Variants in CTXND2 observed in about 807,000 individuals in gnomAD.
CTXND2 encodes cortexin domain containing 2.
chr1:150,895,345 T>A (rs985819934), intron 1 of CTXND2, among the ~76,000 whole-genome samples: 2 of 152,012 alleles, frequency 1.3e-5, no homozygotes, highest in Non-Finnish European at 2.9e-5. Context: ...TCTTTTTTTT[T>A]CTTTTTTTAA....
chr1:150,891,359 A>G (rs1571596785), intron 1 of CTXND2, among the ~76,000 whole-genome samples: 1 of 151,916 alleles, frequency 6.6e-6, no homozygotes, highest in Non-Finnish European at 1.5e-5. Flanking sequence ...GACTACAGGC[A>G]CCCGCCACCA....
Position 150,893,053 on chromosome 1 carries a change from A to G in CTXND2, c.-74+5740A>G, listed in dbSNP as rs747984998. Among the ~76,000 whole-genome samples the G allele has an allele frequency of 2.5e-4, 38 of 152,158 alleles. 1 individual carries two copies. The highest frequency in any genetic ancestry group is 4.3e-4 in the Non-Finnish European group (29 of 67,932). On this transcript the variant is annotated intron_variant, in intron 1 of 1. Transcript: ENST00000636087. ...TTAACGACTATCAGTAAAGTTTGGT[A>G]ATTGTTTCCAAACTGGTCCTAGTCA...
intron 1 of CTXND2, among the ~76,000 whole-genome samples, chr1:150,895,963 A>G (rs990456136): frequency 6.6e-6 from 1 of 152,160 alleles, no homozygotes; most frequent in Admixed American, 6.6e-5. Flanking sequence ...CTCCCTGGCT[A>G]TGGTTCCTGA....
intron 1 of CTXND2, among the ~76,000 whole-genome samples, chr1:150,904,845 T>A (rs1669108353): frequency 6.6e-6 from 1 of 152,172 alleles, no homozygotes. Flanking sequence ...GCTTTTAAAA[T>A]AGTAGCAAGT....
intron 1 of CTXND2, among the ~76,000 whole-genome samples, chr1:150,905,445 C>T (rs587652979): frequency 1.3e-5 from 2 of 152,226 alleles, no homozygotes; most frequent in East Asian, 1.9e-4. Context: ...GGCACCCGGC[C>T]TTATCTGCCC....
At position 150,900,833 on chromosome 1, in the gene CTXND2, T is replaced by C. The variant is rs181499150; in HGVS notation, c.-73-11409T>C. Among the ~76,000 whole-genome samples, 15 of 152,106 alleles carry C rather than the reference T, an allele frequency of 9.9e-5. No individual in the cohort carries two copies. The South Asian group carries it at 2.1e-3, about 21-fold the overall frequency. On this transcript the variant is annotated intron_variant, in intron 1 of 1. Transcript: ENST00000636087. ...ACCATTTACATAAAATATATAACTG[T>C]TAAAAAAACAATTCGAGACTGGGCA...
chr1:150,902,550 G>A (rs1039732634), intron 1 of CTXND2, among the ~76,000 whole-genome samples: 10 of 152,048 alleles, frequency 6.6e-5, no homozygotes, highest in Admixed American at 3.9e-4. Flanking sequence ...CCTGGCCGAC[G>A]GAAATGAATG....
chr1:150,903,767 C>A (rs1185179931), intron 1 of CTXND2: 11 of 365,434 alleles, frequency 3.0e-5, no homozygotes, highest in Middle Eastern at 9.9e-4. Context: ...CATTTTTGCC[C>A]TCCAGCCTGA....
intron 1 of CTXND2, among the ~76,000 whole-genome samples, chr1:150,898,504 TC>T (rs920367767): frequency 7.9e-5 from 12 of 152,042 alleles, no homozygotes; most frequent in African/African-American, 2.9e-4. Flanking sequence ...AAGCTTGTAA[TC>T]CCAGCACGTT....
chr1:150,905,120 G>A (rs1383953691), intron 1 of CTXND2, among the ~76,000 whole-genome samples: 1 of 137,212 alleles, frequency 7.3e-6, no homozygotes, highest in African/African-American at 2.7e-5. Flanking sequence ...CCCTTCATAA[G>A]GAACTTGCAG....
intron 1 of CTXND2, 56 bp downstream of exon 1, chr1:150,887,369 A>G (rs1179666802): frequency 6.6e-6 from 1 of 152,206 alleles, no homozygotes; most frequent in African/African-American, 2.4e-5. Context: ...AGAAATTCCA[A>G]GAATTCTTCT....
chr1:150,894,297 A>T (rs1437610227), intron 1 of CTXND2, among the ~76,000 whole-genome samples: 2 of 152,198 alleles, frequency 1.3e-5, no homozygotes, highest in Non-Finnish European at 2.9e-5. Flanking sequence ...ATGACCGAAA[A>T]GCCCAACTCA....
rs587747002 is a variant in CTXND2, at chr1:150,911,856, C to G, written c.-73-386C>G. 3.9e-5 allele frequency among the ~76,000 whole-genome samples: 6 copies of G among 152,260 alleles called. No individual in the cohort carries two copies. The South Asian group carries it at 1.2e-3, about 32-fold the overall frequency. On this transcript the variant is annotated intron_variant, in intron 1 of 1. Coordinates refer to ENST00000636087, the Ensembl canonical transcript of CTXND2. ...AAATAAAACAATTTCATGTTCATAG[C>G]CAGTGAGTTATACAACAACTAGGTA...
At chr1:150,905,851 G>A (rs1199094617) in intron 1 of CTXND2, among the ~76,000 whole-genome samples, 7 of 151,966 alleles carry the variant, frequency 4.6e-5, no homozygotes, top group Non-Finnish European at 5.9e-5. Flanking sequence ...TTAGCCGGGT[G>A]TGGTGGCAGG....
At chr1:150,888,877 G>T (rs969893823) in intron 1 of CTXND2, among the ~76,000 whole-genome samples, 7 of 151,458 alleles carry the variant, frequency 4.6e-5, no homozygotes, top group Middle Eastern at 6.8e-3. Flanking sequence ...TTTTGTTTTT[G>T]TTTTTTTGTA....
intron 1 of CTXND2, chr1:150,903,905 G>T: frequency 1.6e-6 from 1 of 633,134 alleles, no homozygotes; most frequent in Non-Finnish European, 3.0e-6. Context: ...TATGGGTGAT[G>T]TTGAGAAAGG....
intron 1 of CTXND2, among the ~76,000 whole-genome samples, chr1:150,888,948 C>T (rs1668810752): frequency 6.6e-6 from 1 of 151,978 alleles, no homozygotes; most frequent in Non-Finnish European, 1.5e-5. Flanking sequence ...AAGCAATCCA[C>T]CCGCCTCAGC....
chr1:150,912,059 C>T (rs1035225513), intron 1 of CTXND2, among the ~76,000 whole-genome samples, 183 bp from the exon 2 acceptor site: 6 of 152,174 alleles, frequency 3.9e-5, no homozygotes, highest in Non-Finnish European at 8.8e-5. Flanking sequence ...ATATTTTATA[C>T]TTGTGTGTAT....
In CTXND2 at chr1:150,905,364, G is replaced by A. The variant is rs189887522; in HGVS notation, c.-73-6878G>A. Among the ~76,000 whole-genome samples, 225 of 144,420 alleles carry A rather than the reference G, an allele frequency of 1.6e-3. 2 individuals carry two copies. Among genetic ancestry groups the A allele is most frequent in the African/African-American group, 5.1e-3 (203 of 39,922 alleles). The allele number at this position is 144,420 out of a possible 152,430, so 94.7% of individuals were successfully genotyped here. ...TCACCATGTTGGCCAGGCTGGTCTC[G>A]GACTCCTGACCTCAGGTGATCCCCC... On this transcript the variant is annotated intron_variant, in intron 1 of 1. Coordinates refer to ENST00000636087, the Ensembl canonical transcript of CTXND2.
Sources: allele counts gnomAD v4.1 joint callset (sites outside exome capture counted in the v4.1 genomes callset), GRCh38; gene constraint gnomAD v4.1.1; transcripts MANE v1.5; gene names NCBI Gene and HGNC (gene_info 2026-07-23, HGNC 2026-07-21).